The following ZNF618 variants were observed in gnomAD, a reference collection of about 807,000 sequenced individuals.
The protein encoded by ZNF618 is neural precursor cell expressed, developmentally down-regulated 10.
A neutral mutation model predicts 103.0 loss-of-function variants in ZNF618; 34 were observed. That is an observed-to-expected ratio of 0.33 (90% CI 0.25 to 0.44). ZNF618 has a LOEUF of 0.44. Among genes scored for constraint, ZNF618 ranks in the 20% least tolerant of loss-of-function variants. ZNF618 has a pLI of 1.00. For synonymous variants in ZNF618, 551 were observed against 542.2 expected (o/e 1.02, Z -0.23); for missense variants, 1,059 against 1,295.4 (o/e 0.82, Z 2.80).
intron 1 of ZNF618, among the ~76,000 whole-genome samples, chr9:113,893,690 CTAT>C (rs547626248): frequency 8.5e-4 from 129 of 152,162 alleles, no homozygotes; most frequent in African/African-American, 2.8e-3. Context: ...AACTCATACT[CTAT>C]TGTTGAACAT....
intron 1 of ZNF618, among the ~76,000 whole-genome samples, chr9:113,928,271 C>G (rs1833273484): frequency 1.3e-5 from 2 of 152,172 alleles, no homozygotes; most frequent in Non-Finnish European, 2.9e-5. Flanking sequence ...TTCATTCTTT[C>G]CTATAGTTTC....
chr9:114,028,541 G>A lies in ZNF618; in HGVS notation c.845-192G>A, dbSNP rs547831713. ...TGGTGGCCTCCAGATAACTAAGCGT[G>A]AGCTGACAGAAGGTTCCAGACTCCT... On this transcript the variant is annotated intron_variant, in intron 10 of 14. Coordinates refer to ENST00000374126, the MANE Select transcript of ZNF618 (RefSeq NM_001318042.2). 1.4e-5 allele frequency: 12 copies of A among 851,322 alleles called. No individual in the cohort carries two copies. The South Asian group carries it at 1.5e-4, about 10-fold the overall frequency. The allele number at this position is 851,322 out of a possible 1,614,324, so 52.7% of individuals were successfully genotyped here.
chr9:114,015,286 G>C (rs571387087), intron 9 of ZNF618, among the ~76,000 whole-genome samples: 2 of 152,248 alleles, frequency 1.3e-5, no homozygotes, highest in Non-Finnish European at 2.9e-5. Context: ...AAAGAGTTTA[G>C]CCATTTCATA....
At chr9:114,001,276 G>GC (rs1322286632) in intron 4 of ZNF618, among the ~76,000 whole-genome samples, 3 of 133,986 alleles carry the variant, frequency 2.2e-5, no homozygotes, top group East Asian at 6.0e-4. Context: ...CTGGCAAGGG[G>GC]CTGGGGGGGC....
chr9:113,998,401 T>TG, intron 4 of ZNF618, 47 bp downstream of exon 4: 1 of 1,502,784 alleles, frequency 6.7e-7, no homozygotes, highest in Non-Finnish European at 9.0e-7. Context: ...CCAGTATGGG[T>TG]GGGGGCACAG....
At chr9:114,044,109 G>A (rs1306275806) in intron 13 of ZNF618, among the ~76,000 whole-genome samples, 1 of 152,074 alleles carries the variant, frequency 6.6e-6, no homozygotes, top group Non-Finnish European at 1.5e-5. Context: ...TTGGTCATGA[G>A]TTCTTTGCCT....
chr9:113,938,002 A>C (rs530883945), intron 1 of ZNF618, among the ~76,000 whole-genome samples: 4 of 152,076 alleles, frequency 2.6e-5, no homozygotes, highest in East Asian at 1.9e-4. Flanking sequence ...CTTTATATCA[A>C]CTCCACAAGG....
rs753039942 is a variant in ZNF618, at chr9:113,998,306, C to T, written c.385C>T (p.Arg129Trp). ...CCCCCACGGTGGATCTGTGCGAAGC[C>T]GGTATTCAGGGACCTGGATTTTTGA... The part of the protein sequence containing the change: ...GSPHGGSVRS[R>W]YSGTWIFDQA... The change falls in exon 4 of 15, where the codon CGG becomes TGG. Residue 129 changes from arginine to tryptophan, a missense_variant. This residue lies in a region of ZNF618 where 194 missense variants were observed against 209.0 expected (regional missense o/e 0.93). Transcript: ENST00000374126. 1.9e-5 allele frequency: 29 copies of T among 1,550,396 alleles called. No individual in the cohort carries two copies. The Admixed American group carries it at 2.4e-4, about 13-fold the overall frequency.
chr9:113,989,880 G>GC (rs1435074917), intron 3 of ZNF618, among the ~76,000 whole-genome samples: 2 of 152,196 alleles, frequency 1.3e-5, no homozygotes, highest in Non-Finnish European at 2.9e-5. Flanking sequence ...CAGCTTGCCT[G>GC]CCCCCTGCCC....
chr9:113,925,917 A>C (rs948773461), intron 1 of ZNF618, among the ~76,000 whole-genome samples: 1 of 152,176 alleles, frequency 6.6e-6, no homozygotes, highest in Non-Finnish European at 1.5e-5. Flanking sequence ...GGTAAGAATG[A>C]GAAAAATAAA....
intron 1 of ZNF618, among the ~76,000 whole-genome samples, chr9:113,896,214 T>A (rs1830033181): frequency 1.3e-5 from 2 of 152,106 alleles, no homozygotes; most frequent in African/African-American, 4.8e-5. Flanking sequence ...AGCCCACCGT[T>A]CTGCTTTCTT....
chr9:114,025,309 C>A (rs929613193), intron 10 of ZNF618, among the ~76,000 whole-genome samples: 6 of 152,236 alleles, frequency 3.9e-5, no homozygotes, highest in Non-Finnish European at 7.3e-5. Flanking sequence ...TTCGGGGAAA[C>A]CCCCTGGCCT....
At chr9:113,930,220 T>G (rs1181428791) in intron 1 of ZNF618, among the ~76,000 whole-genome samples, 7 of 152,224 alleles carry the variant, frequency 4.6e-5, no homozygotes, top group Non-Finnish European at 7.3e-5. Flanking sequence ...GAAATGTATG[T>G]CAAGGTTACC....
In ZNF618 at chr9:113,996,559, G is replaced by A. The variant is rs560539374; in HGVS notation, c.338-1700G>A. On this transcript the variant is annotated intron_variant, in intron 3 of 14. Coordinates refer to ENST00000374126, the MANE Select transcript of ZNF618 (RefSeq NM_001318042.2). ...CCCCCTGTCCTCGCCTGGTCTGTCT[G>A]ATGCTCTGGGAGGGAGCTAAGCCAG... Among the ~76,000 whole-genome samples the A allele has an allele frequency of 1.4e-3, 211 of 152,334 alleles. 2 individuals are homozygous for A. Among genetic ancestry groups the A allele is most frequent in the South Asian group, 9.3e-3 (45 of 4,826 alleles).
chr9:113,984,712 C>T (rs1312633624), intron 2 of ZNF618, among the ~76,000 whole-genome samples: 1 of 152,248 alleles, frequency 6.6e-6, no homozygotes, highest in Non-Finnish European at 1.5e-5. Flanking sequence ...TCTGTTTCCT[C>T]TCCTTCCATC....
intron 2 of ZNF618, among the ~76,000 whole-genome samples, chr9:113,978,408 A>C (rs1838680574): frequency 6.6e-6 from 1 of 151,974 alleles, no homozygotes; most frequent in Non-Finnish European, 1.5e-5. Context: ...CAGCATTTGA[A>C]AACACATCAG....
intron 1 of ZNF618, among the ~76,000 whole-genome samples, chr9:113,933,818 C>G (rs1436826059): frequency 1.3e-5 from 2 of 151,824 alleles, no homozygotes; most frequent in Non-Finnish European, 1.5e-5. Flanking sequence ...TGGGCTTGGT[C>G]TTGGCTGGGG....
intron 3 of ZNF618, among the ~76,000 whole-genome samples, chr9:113,989,384 C>A (rs1304623934): frequency 6.6e-6 from 1 of 152,212 alleles, no homozygotes; most frequent in South Asian, 2.1e-4. Context: ...GATGGGAATT[C>A]TTTTGGCTTT....
intron 1 of ZNF618, among the ~76,000 whole-genome samples, chr9:113,878,046 A>C (rs1211144765): frequency 6.8e-6 from 1 of 147,064 alleles, no homozygotes; most frequent in Non-Finnish European, 1.5e-5. Context: ...TTACTTAAAA[A>C]AAATTTAGAT....
Sources: allele counts gnomAD v4.1 joint callset (sites outside exome capture counted in the v4.1 genomes callset), GRCh38; gene constraint gnomAD v4.1.1; regional missense constraint gnomAD v4.1.1; transcripts MANE v1.5; gene names NCBI Gene and HGNC (gene_info 2026-07-23, HGNC 2026-07-21).